The following SYNRG variants were observed in gnomAD, a reference collection of about 807,000 sequenced individuals.
The protein encoded by SYNRG is AP1 gamma subunit binding protein 1.
SYNRG carries 37 observed loss-of-function variants against 130.9 expected under a neutral mutation model. That is an observed-to-expected ratio of 0.28 (90% confidence interval 0.22 to 0.37). The LOEUF is 0.37. Among genes scored for constraint, SYNRG ranks in the 10% least tolerant of loss-of-function variants. SYNRG has a pLI of 1.00. For missense variants in SYNRG, 1,338 were observed against 1,588.9 expected (o/e 0.84, Z 2.68); for synonymous variants, 539 against 568.1 (o/e 0.95, Z 0.73).
Position 37,576,182 on chromosome 17 carries a change from CACG to C in SYNRG, c.901+156_901+158del, listed in dbSNP as rs1246215283. 1.3e-4 allele frequency among the ~76,000 whole-genome samples: 20 copies of C among 152,254 alleles called. No individual in the cohort carries two copies. The East Asian group carries it at 3.9e-3, about 29-fold the overall frequency. ...CCATATATGAGGCAGTCTTATGAAA[CACG>C]ACATTTATTTAATTTCTGTACTCTT... On this transcript the variant is annotated intron_variant, in intron 8 of 21. Coordinates refer to ENST00000612223, the MANE Select transcript of SYNRG (RefSeq NM_007247.6).
rs576284371 is a variant in SYNRG, at chr17:37,515,355, G to A, written c.*3585C>T. Reference sequence around the variant, plus strand: ...CCTGCATTCTGACATTTGCTGGAATGGTCTACAGCAGGCTACAATGCTCCC... The same window carrying A: ...CCTGCATTCTGACATTTGCTGGAATAGTCTACAGCAGGCTACAATGCTCCC... On this transcript the variant is annotated 3_prime_UTR_variant, in exon 22 of 22. Coordinates refer to ENST00000612223, the MANE Select transcript of SYNRG (RefSeq NM_007247.6). 6.6e-6 allele frequency: 1 copy of A among 152,280 alleles called. No individual in the cohort carries two copies. Among genetic ancestry groups the A allele is most frequent in the South Asian group, 2.1e-4 (1 of 4,830 alleles). The allele number at this position is 152,280 out of a possible 1,614,324, so 9.4% of individuals were successfully genotyped here.
At position 37,594,116 on chromosome 17, in the gene SYNRG, T is replaced by C. The variant is rs545001222; in HGVS notation, c.240+2107A>G. ...TTGTTTCAAACTCTAAAAACATTTTTCAGATAATTGTGTAAGTCATAAAAT... is the reference window on the plus strand; with the variant it reads ...TTGTTTCAAACTCTAAAAACATTTTCCAGATAATTGTGTAAGTCATAAAAT... On this transcript the variant is annotated intron_variant, in intron 3 of 21. Coordinates refer to ENST00000612223, the MANE Select transcript of SYNRG (RefSeq NM_007247.6). 7.3e-5 allele frequency among the ~76,000 whole-genome samples: 11 copies of C among 150,518 alleles called. No individual in the cohort carries two copies. In the East Asian group the frequency reaches 1.5e-3, roughly 21 times the overall value.
At chr17:37,581,558 G>A (rs933559765) in intron 6 of SYNRG, among the ~76,000 whole-genome samples, 12 of 151,688 alleles carry the variant, frequency 7.9e-5, no homozygotes, top group Admixed American at 2.6e-4. Flanking sequence ...GATTATAGGC[G>A]TGAGCCACCA....
At position 37,518,845 on chromosome 17, in the gene SYNRG, G is replaced by C. The variant is rs2054627316; in HGVS notation, c.*95C>G. The C allele has an allele frequency of 6.7e-7, 1 of 1,501,752 alleles. No homozygotes were observed. The highest frequency in any genetic ancestry group is 1.4e-5 in the African/African-American group (1 of 71,788). 93.0% of individuals were successfully genotyped at this position (1,501,752 alleles called of 1,614,324 possible). On this transcript the variant is annotated 3_prime_UTR_variant, in exon 22 of 22. Transcript: ENST00000612223. Reference sequence around the variant, plus strand: ...GTGTTCTTCATATCGATTCAGGGAAGCGAACTGTGCAGTGCTCGCATTCTA... The same window carrying C: ...GTGTTCTTCATATCGATTCAGGGAACCGAACTGTGCAGTGCTCGCATTCTA...
At chr17:37,606,665 T>G (rs555357948) in intron 1 of SYNRG, among the ~76,000 whole-genome samples, 1 of 152,214 alleles carries the variant, frequency 6.6e-6, no homozygotes, top group Non-Finnish European at 1.5e-5. Context: ...AAAAAAAAAT[T>G]TATACTTCTC....
intron 1 of SYNRG, chr17:37,600,688 T>C (rs1397831711): frequency 1.3e-5 from 7 of 529,834 alleles, no homozygotes; most frequent in Non-Finnish European, 2.0e-5. Context: ...ATCTATAAAA[T>C]GAGAGAGTTT....
intron 6 of SYNRG, 82 bp from the exon 7 acceptor site, chr17:37,577,695 CTT>C (rs34008016): frequency 0.1 from 56,873 of 561,824 alleles, 10 homozygotes; most frequent in South Asian, 0.14. Flanking sequence ...CCCCCATATT[CTT>C]TTTTTTTTTT....
At chr17:37,544,267 T>C (rs1568333320) in intron 14 of SYNRG, among the ~76,000 whole-genome samples, 1 of 151,918 alleles carries the variant, frequency 6.6e-6, no homozygotes, top group Non-Finnish European at 1.5e-5. Context: ...TCAAATGTGG[T>C]TTATAAAACA....
At chr17:37,586,834 A>G (rs991967186) in intron 3 of SYNRG, among the ~76,000 whole-genome samples, 1 of 152,148 alleles carries the variant, frequency 6.6e-6, no homozygotes, top group Non-Finnish European at 1.5e-5. Context: ...TTGGTGTGTT[A>G]TGGAACTATA....
chr17:37,518,898 T>G lies in SYNRG; in HGVS notation c.*42A>C. ...TATTGGTCCCTGTCACCCCGTGGGG[T>G]GTCACAGAAAAAAAAAAGTCAATGC... On this transcript the variant is annotated 3_prime_UTR_variant, in exon 22 of 22. Coordinates refer to ENST00000612223, the MANE Select transcript of SYNRG (RefSeq NM_007247.6). 3.7e-6 allele frequency: 6 copies of G among 1,601,046 alleles called. No individual in the cohort carries two copies. The highest frequency in any genetic ancestry group is 2.2e-5 in the South Asian group (2 of 89,566).
At chr17:37,529,983 T>C (rs1351151869) in intron 19 of SYNRG, 1 of 753,822 alleles carries the variant, frequency 1.3e-6, no homozygotes, top group African/African-American at 1.8e-5. Context: ...AGGAGGCTTT[T>C]AAGTTACTCT....
chr17:37,609,047 G>T (rs940753024), intron 1 of SYNRG, among the ~76,000 whole-genome samples: 1 of 125,250 alleles, frequency 8.0e-6, no homozygotes, highest in African/African-American at 3.1e-5. Context: ...GCGCGCGCTC[G>T]CTCCCCGCTC....
chr17:37,553,839 C>A lies in SYNRG; in HGVS notation c.1884G>T (p.Glu628Asp), dbSNP rs761313470. 6.2e-7 allele frequency: 1 copy of A among 1,612,914 alleles called. No homozygotes were observed. Among genetic ancestry groups the A allele is most frequent in the Admixed American group, 1.7e-5 (1 of 59,584 alleles). ...ACACAGCTGAAAAAGACAATGGTTT[C>A]TCGCTGCTGCAATTAACTGAGGAAA... ...DMFSSVNCSS[E>D]KPLSFSAVFS... The change falls in exon 14 of 22, where the codon GAG (glutamate) becomes GAT (aspartate). Residue 628 changes from glutamate (E) to aspartate (D), a missense_variant. Physicochemically the swap from Glu to Asp is conservative, Grantham distance 45 (BLOSUM62 2). Coordinates refer to ENST00000612223, the MANE Select transcript of SYNRG (RefSeq NM_007247.6).
intron 13 of SYNRG, among the ~76,000 whole-genome samples, chr17:37,554,577 G>C (rs991264181): frequency 2.6e-5 from 4 of 152,184 alleles, no homozygotes; most frequent in Admixed American, 1.3e-4. Flanking sequence ...GGCACTTTAA[G>C]AATAACATTA....
chr17:37,557,524 T>C (rs1049470007), intron 13 of SYNRG, among the ~76,000 whole-genome samples: 1 of 152,164 alleles, frequency 6.6e-6, no homozygotes, highest in Non-Finnish European at 1.5e-5. Context: ...AGAATTAAAG[T>C]TAAGATAGGA....
intron 17 of SYNRG, 135 bp from the exon 18 acceptor site, chr17:37,538,555 T>G: frequency 1.6e-6 from 1 of 632,866 alleles, no homozygotes; most frequent in South Asian, 2.0e-5. Flanking sequence ...GAAACAATCC[T>G]CCATTTCTCT....
At chr17:37,597,024 G>C (rs1193676434) in intron 2 of SYNRG, among the ~76,000 whole-genome samples, 1 of 152,216 alleles carries the variant, frequency 6.6e-6, no homozygotes. Context: ...TTACAGGTGT[G>C]AGCCACTGTG....
chr17:37,593,833 G>A (rs957722888), intron 3 of SYNRG, among the ~76,000 whole-genome samples: 13 of 149,170 alleles, frequency 8.7e-5, no homozygotes, highest in African/African-American at 1.5e-4. Flanking sequence ...GCAGTGAGCC[G>A]AGATCGTGCC....
In SYNRG at chr17:37,536,135, G is replaced by C; in HGVS notation, c.3518-8C>G. On this transcript the variant is annotated splice_region_variant and splice_polypyrimidine_tract_variant and intron_variant, in intron 18 of 21. Coordinates refer to ENST00000612223, the MANE Select transcript of SYNRG (RefSeq NM_007247.6). ...TGTACACTTCAACAACACCTGACGGGATGAGAGAGCAGAGAGAGAGTGTTG... is the reference window on the plus strand; with the variant it reads ...TGTACACTTCAACAACACCTGACGGCATGAGAGAGCAGAGAGAGAGTGTTG... 1 of 1,604,188 alleles carries C rather than the reference G, an allele frequency of 6.2e-7. No individual in the cohort carries two copies. Among genetic ancestry groups the C allele is most frequent in the African/African-American group, 1.3e-5 (1 of 74,700 alleles).
Sources: allele counts gnomAD v4.1 joint callset (sites outside exome capture counted in the v4.1 genomes callset), GRCh38; gene constraint gnomAD v4.1.1; transcripts MANE v1.5; gene names NCBI Gene and HGNC (gene_info 2026-07-23, HGNC 2026-07-21).